Variants in KCNN2 observed in about 807,000 individuals in gnomAD.
The protein encoded by KCNN2 is potassium calcium-activated channel subfamily N member 2, also known as small conductance calcium-activated potassium channel protein 2.
Under a neutral mutation model 55.5 loss-of-function variants are expected in KCNN2, and 24 were observed. The observed-to-expected ratio is 0.43, with a 90% CI of 0.31 to 0.61. KCNN2 has a LOEUF of 0.61. Ranked by LOEUF, KCNN2 falls within the 20% of genes least tolerant of loss-of-function variation. The pLI, the probability that KCNN2 is intolerant of heterozygous loss-of-function variation, is 0.08. For missense variants in KCNN2, 754 were observed against 853.6 expected, an observed-to-expected ratio of 0.88 and a Z score of 1.45; for synonymous variants, 431 against 336.1, an observed-to-expected ratio of 1.28 and a Z score of -3.09.
At chr5:114,495,647 G>A (rs1306297476) in intron 7 of KCNN2, among the ~76,000 whole-genome samples, 1 of 151,948 alleles carries the variant, frequency 6.6e-6, no homozygotes, top group Non-Finnish European at 1.5e-5. Flanking sequence ...AAAATCAATG[G>A]GCATGCCACC....
At chr5:114,059,502 A>G (rs1750282192) in intron 1 of KCNN2, among the ~76,000 whole-genome samples, 1 of 152,216 alleles carries the variant, frequency 6.6e-6, no homozygotes, top group Non-Finnish European at 1.5e-5. Flanking sequence ...CAGAGAAATT[A>G]TGTGTTTTTT....
At chr5:114,348,815 C>G (rs907280664) in intron 2 of KCNN2, among the ~76,000 whole-genome samples, 2 of 152,110 alleles carry the variant, frequency 1.3e-5, no homozygotes, top group African/African-American at 2.4e-5. Flanking sequence ...GGTTGCCTAA[C>G]CAATATTCAT....
At chr5:114,408,163 C>T (rs1759000525) in intron 3 of KCNN2, among the ~76,000 whole-genome samples, 3 of 150,914 alleles carry the variant, frequency 2.0e-5, no homozygotes. Context: ...ATTCTCATGT[C>T]AGGTAAGTCA....
intron 2 of KCNN2, among the ~76,000 whole-genome samples, chr5:114,392,722 C>G (rs1168668715): frequency 1.3e-5 from 2 of 151,726 alleles, no homozygotes; most frequent in Admixed American, 1.3e-4. Context: ...CCTGTAGTCT[C>G]ATTTCTTTGT....
At chr5:114,342,705 C>A (rs933675091) in intron 2 of KCNN2, among the ~76,000 whole-genome samples, 2 of 152,146 alleles carry the variant, frequency 1.3e-5, no homozygotes, top group African/African-American at 4.8e-5. Context: ...TAAGTATATT[C>A]TTTCTTAACA....
intron 3 of KCNN2, among the ~76,000 whole-genome samples, chr5:114,416,430 C>A (rs1201114071): frequency 6.6e-6 from 1 of 152,100 alleles, no homozygotes; most frequent in East Asian, 1.9e-4. Flanking sequence ...TTTTTATGAC[C>A]GTCCACAGTC....
At chr5:114,180,319 A>G (rs1753215282) in intron 1 of KCNN2, among the ~76,000 whole-genome samples, 1 of 152,118 alleles carries the variant, frequency 6.6e-6, no homozygotes, top group Admixed American at 6.5e-5. Context: ...TGTATTTAAG[A>G]CTTGTTTTAT....
intron 2 of KCNN2, among the ~76,000 whole-genome samples, chr5:114,372,652 A>T (rs917440924): frequency 2.0e-5 from 3 of 152,246 alleles, no homozygotes; most frequent in African/African-American, 7.2e-5. Flanking sequence ...ATAGGAAAAT[A>T]TGAAAAGTAG....
chr5:114,379,578 A>C lies in KCNN2; in HGVS notation c.1218+15577A>C, dbSNP rs536564683. On this transcript the variant is annotated intron_variant, in intron 2 of 7. Transcript: ENST00000673685. ...TTATATAACATATTATATATTATAG[A>C]ATATATTATATAACATATTATATAT... Among the ~76,000 whole-genome samples, 355 of 87,004 alleles carry C rather than the reference A, an allele frequency of 4.1e-3. 54 individuals are homozygous for C. Among genetic ancestry groups the C allele is most frequent in the Middle Eastern group, 6.3e-3 (1 of 160 alleles). The allele number at this position is 87,004 out of a possible 152,430, so 57.1% of individuals were successfully genotyped here. A position where few individuals can be genotyped will look rare whatever the true frequency, so the allele number is the denominator to read the frequency against.
chr5:114,170,967 T>C (rs1753021347), intron 1 of KCNN2, among the ~76,000 whole-genome samples: 1 of 152,002 alleles, frequency 6.6e-6, no homozygotes, highest in African/African-American at 2.4e-5. Flanking sequence ...GTACTGTGAG[T>C]GTATTTCACT....
intron 5 of KCNN2, among the ~76,000 whole-genome samples, chr5:114,479,205 T>A (rs1265070337): frequency 6.9e-6 from 1 of 145,532 alleles, no homozygotes; most frequent in Non-Finnish European, 1.5e-5. Flanking sequence ...GGAGGAAAAT[T>A]TACCAACCAA....
intron 2 of KCNN2, among the ~76,000 whole-genome samples, chr5:114,225,117 T>C (rs1041412204): frequency 2.0e-5 from 3 of 152,214 alleles, no homozygotes; most frequent in African/African-American, 4.8e-5. Flanking sequence ...AAAGCTTTAA[T>C]TGATATCAAA....
chr5:114,283,581 T>C (rs1451861508), intron 2 of KCNN2, among the ~76,000 whole-genome samples: 2 of 152,236 alleles, frequency 1.3e-5, no homozygotes, highest in African/African-American at 2.4e-5. Flanking sequence ...CATCTTTGTA[T>C]GTCTCTTATT....
chr5:114,382,461 G>T (rs1758153722), intron 2 of KCNN2, among the ~76,000 whole-genome samples: 2 of 152,146 alleles, frequency 1.3e-5, no homozygotes, highest in African/African-American at 2.4e-5. Flanking sequence ...TTCTTCTCTT[G>T]GGAAAATAGT....
chr5:114,129,088 C>A (rs904689926), intron 1 of KCNN2, among the ~76,000 whole-genome samples: 7 of 152,118 alleles, frequency 4.6e-5, no homozygotes, highest in Non-Finnish European at 8.8e-5. Context: ...GTTACCACCC[C>A]TAGATCTTAA....
intron 2 of KCNN2, among the ~76,000 whole-genome samples, chr5:114,288,495 T>TACACACACACACACAC (rs771115837): frequency 1.6e-4 from 12 of 75,256 alleles, no homozygotes; most frequent in East Asian, 6.3e-4. Context: ...TTTATATATA[T>TACACACACACACACAC]ATATACACAC....
At chr5:114,386,688 C>G (rs985749718) in intron 2 of KCNN2, among the ~76,000 whole-genome samples, 2 of 152,136 alleles carry the variant, frequency 1.3e-5, no homozygotes, top group Admixed American at 6.5e-5. Context: ...CATTCTTACT[C>G]TATGTATTTG....
At chr5:114,478,982 CAAATAAGCAACT>C (rs992628214) in intron 5 of KCNN2, among the ~76,000 whole-genome samples, 11 of 151,788 alleles carry the variant, frequency 7.2e-5, no homozygotes, top group African/African-American at 2.2e-4. Context: ...ATGAAGCAAC[CAAATAAGCAACT>C]CTTCAAAATA....
chr5:114,481,908 A>G (rs140004973), intron 5 of KCNN2, among the ~76,000 whole-genome samples: 220 of 152,302 alleles, frequency 1.4e-3, no homozygotes, highest in African/African-American at 5.2e-3. Flanking sequence ...ACTTAAATGT[A>G]AAACCCAAAA....
Sources: allele counts gnomAD v4.1 joint callset (sites outside exome capture counted in the v4.1 genomes callset), GRCh38; gene constraint gnomAD v4.1.1; transcripts MANE v1.5; gene names NCBI Gene and HGNC (gene_info 2026-07-23, HGNC 2026-07-21).